PLCXD3: variants seen among roughly 807,000 people sequenced by gnomAD.
PLCXD3 encodes the protein phosphatidylinositol specific phospholipase C X domain containing 3, also known as PI-PLC X domain-containing protein 3.
In PLCXD3, 19 loss-of-function variants were observed where a neutral mutation model predicts 25.5. That is an observed-to-expected ratio of 0.75 (90% CI 0.52 to 1.09). The LOEUF is 1.09. Among genes scored for constraint, PLCXD3 ranks in the 50% least tolerant of loss-of-function variants. The pLI is 0.00. For synonymous variants in PLCXD3, 174 were observed against 137.6 expected, an observed-to-expected ratio of 1.26 and a Z score of -1.85; for missense variants, 411 against 388.1, an observed-to-expected ratio of 1.06 and a Z score of -0.50.
At position 41,370,458 on chromosome 5, in the gene PLCXD3, G is replaced by A. The variant is rs147437451; in HGVS notation, c.812+11368C>T. 5.1e-4 allele frequency among the ~76,000 whole-genome samples: 77 copies of A among 152,260 alleles called. 1 individual carries two copies. In the East Asian group the frequency reaches 0.012, roughly 24 times the overall value. On this transcript the variant is annotated intron_variant, in intron 2 of 2. Coordinates refer to ENST00000377801, the MANE Select transcript of PLCXD3 (RefSeq NM_001005473.3). Reference sequence around the variant, plus strand: ...AACATCATTTTATCAACCAAATGTGGTAAGTTAAAAGCTGATATCTCATTG... The same window carrying A: ...AACATCATTTTATCAACCAAATGTGATAAGTTAAAAGCTGATATCTCATTG...
chr5:41,441,798 A>G (rs1747390849), intron 1 of PLCXD3, among the ~76,000 whole-genome samples: 1 of 152,238 alleles, frequency 6.6e-6, no homozygotes, highest in South Asian at 2.1e-4. Flanking sequence ...TGCCTATAGA[A>G]TGAAAATAAC....
intron 1 of PLCXD3, among the ~76,000 whole-genome samples, chr5:41,388,151 G>A (rs983093156): frequency 2.6e-5 from 4 of 151,510 alleles, no homozygotes; most frequent in South Asian, 2.1e-4. Flanking sequence ...TACAATCCTT[G>A]CCCTCAAGAG....
chr5:41,500,407 G>T (rs950616601), intron 1 of PLCXD3, among the ~76,000 whole-genome samples: 2 of 151,784 alleles, frequency 1.3e-5, no homozygotes, highest in Non-Finnish European at 2.9e-5. Context: ...TGGAATAATA[G>T]ACAATGGATA....
intron 1 of PLCXD3, among the ~76,000 whole-genome samples, chr5:41,461,863 A>C (rs1448299329): frequency 1.3e-5 from 2 of 151,998 alleles, no homozygotes; most frequent in African/African-American, 2.4e-5. Flanking sequence ...GAGTTGTGAT[A>C]ATTTAGTCCT....
chr5:41,314,470 G>A (rs777529814), intron 2 of PLCXD3, among the ~76,000 whole-genome samples: 10 of 152,204 alleles, frequency 6.6e-5, no homozygotes, highest in African/African-American at 2.4e-4. Flanking sequence ...TTGATAGAAG[G>A]GAATAAGTGC....
At position 41,491,677 on chromosome 5, in the gene PLCXD3, A is replaced by C. The variant is rs927439054; in HGVS notation, c.103+18747T>G. Among the ~76,000 whole-genome samples, 4 of 151,990 alleles carry C rather than the reference A, an allele frequency of 2.6e-5. No individual in the cohort carries two copies. The East Asian group carries it at 7.7e-4, about 29-fold the overall frequency. ...CTCTTCTTGTTGAATTCATCCCTTTAGCATTATGTAATGTCCTTCTTTGTC... is the reference window on the plus strand; with the variant it reads ...CTCTTCTTGTTGAATTCATCCCTTTCGCATTATGTAATGTCCTTCTTTGTC... On this transcript the variant is annotated intron_variant, in intron 1 of 2. Transcript: ENST00000377801.
intron 1 of PLCXD3, among the ~76,000 whole-genome samples, chr5:41,416,769 C>A (rs951453546): frequency 1.3e-5 from 2 of 152,138 alleles, no homozygotes; most frequent in Non-Finnish European, 2.9e-5. Context: ...TTGCCTATGC[C>A]CCAGTTAGAT....
chr5:41,354,199 C>A (rs997181924), intron 2 of PLCXD3, among the ~76,000 whole-genome samples: 1 of 152,146 alleles, frequency 6.6e-6, no homozygotes, highest in Non-Finnish European at 1.5e-5. Context: ...TATTTACAAC[C>A]TCCCAAACTA....
chr5:41,335,063 T>C (rs1323336991), intron 2 of PLCXD3, among the ~76,000 whole-genome samples: 1 of 152,166 alleles, frequency 6.6e-6, no homozygotes, highest in Non-Finnish European at 1.5e-5. Context: ...CTGTGTGGGA[T>C]CACATGTTCT....
chr5:41,470,760 G>T (rs931330643), intron 1 of PLCXD3, among the ~76,000 whole-genome samples: 1 of 151,996 alleles, frequency 6.6e-6, no homozygotes, highest in Non-Finnish European at 1.5e-5. Context: ...GTAGTCCAAA[G>T]AACTCCTGAG....
At chr5:41,478,989 T>C (rs1436254537) in intron 1 of PLCXD3, among the ~76,000 whole-genome samples, 1 of 152,122 alleles carries the variant, frequency 6.6e-6, no homozygotes, top group African/African-American at 2.4e-5. Context: ...CCCCCATGAT[T>C]CAATCACATC....
chr5:41,461,610 A>T (rs1054210855), intron 1 of PLCXD3, among the ~76,000 whole-genome samples: 2 of 152,000 alleles, frequency 1.3e-5, no homozygotes, highest in Non-Finnish European at 2.9e-5. Context: ...TTTTTACAGT[A>T]TTTCAGAGGT....
intron 2 of PLCXD3, among the ~76,000 whole-genome samples, chr5:41,351,135 T>C (rs916613194): frequency 1.3e-5 from 2 of 152,228 alleles, no homozygotes; most frequent in African/African-American, 4.8e-5. Flanking sequence ...AGATACCTTT[T>C]TTTTGAGGCA....
intron 2 of PLCXD3, among the ~76,000 whole-genome samples, chr5:41,349,345 A>C (rs926269426): frequency 1.3e-5 from 2 of 152,208 alleles, no homozygotes; most frequent in Non-Finnish European, 2.9e-5. Context: ...AAGTTTCATC[A>C]TGATCATCAA....
intron 1 of PLCXD3, among the ~76,000 whole-genome samples, chr5:41,477,469 T>C (rs561972731): frequency 2.6e-5 from 4 of 152,142 alleles, no homozygotes; most frequent in Admixed American, 1.3e-4. Context: ...TGTGCCAGCA[T>C]CCTTGTTGCA....
intron 2 of PLCXD3, among the ~76,000 whole-genome samples, chr5:41,314,344 G>A (rs1248016038): frequency 2.6e-5 from 4 of 152,168 alleles, no homozygotes; most frequent in Non-Finnish European, 5.9e-5. Context: ...CCAGTCATCA[G>A]TGTAGGCACC....
rs373244601 is a variant in PLCXD3 at position 41,428,374 on chromosome 5, G to GTTTTTTTTTTTTTTTTTTTTTTTT, written c.104-45841_104-45840insAAAAAAAAAAAAAAAAAAAAAAAA. ...TAAAGAGGTGATTAAGTTAAAATGA[G>GTTTTTTTTTTTTTTTTTTTTTTTT]TTTTTTTGTTTTTGTTTTTGTTTTT... On this transcript the variant is annotated intron_variant, in intron 1 of 2. Transcript: ENST00000377801. 9.8e-5 allele frequency among the ~76,000 whole-genome samples: 9 copies of GTTTTTTTTTTTTTTTTTTTTTTTT among 91,598 alleles called. 4 individuals carry two copies. Among genetic ancestry groups the GTTTTTTTTTTTTTTTTTTTTTTTT allele is most frequent in the Non-Finnish European group, 1.9e-4 (8 of 43,082 alleles). The allele number at this position is 91,598 out of a possible 152,430, so 60.1% of individuals were successfully genotyped here.
intron 1 of PLCXD3, among the ~76,000 whole-genome samples, chr5:41,455,784 A>G (rs889278693): frequency 3.3e-5 from 5 of 151,942 alleles, no homozygotes; most frequent in African/African-American, 4.8e-5. Flanking sequence ...GTATTCTGAA[A>G]AGGCTTTAGG....
chr5:41,351,940 AG>A (rs1244367403), intron 2 of PLCXD3, among the ~76,000 whole-genome samples: 3 of 152,196 alleles, frequency 2.0e-5, no homozygotes, highest in Non-Finnish European at 4.4e-5. Context: ...ATTTGAATAA[AG>A]GAGCAAAATA....
Sources: allele counts gnomAD v4.1 joint callset (sites outside exome capture counted in the v4.1 genomes callset), GRCh38; gene constraint gnomAD v4.1.1; transcripts MANE v1.5; gene names NCBI Gene and HGNC (gene_info 2026-07-23, HGNC 2026-07-21).